VAV3: variants seen among roughly 807,000 people sequenced by gnomAD.
VAV3 encodes the protein vav guanine nucleotide exchange factor 3.
A neutral mutation model predicts 131.2 loss-of-function variants in VAV3; 94 were observed. That is an observed-to-expected ratio of 0.72 (90% CI 0.61 to 0.85). VAV3 has a LOEUF of 0.85. Ranked by LOEUF, VAV3 falls within the 40% of genes least tolerant of loss-of-function variation. The pLI is 0.00. For synonymous variants in VAV3, 349 were observed against 342.0 expected (o/e 1.02, Z -0.22); for missense variants, 939 against 1,002.7 (o/e 0.94, Z 0.86).
chr1:107,866,005 C>T (rs932728647), intron 2 of VAV3, among the ~76,000 whole-genome samples: 1 of 152,136 alleles, frequency 6.6e-6, no homozygotes, highest in African/African-American at 2.4e-5. Flanking sequence ...ATACAACATA[C>T]TAAACACACT....
chr1:107,737,687 T>G (rs1016806339), intron 15 of VAV3, among the ~76,000 whole-genome samples: 24 of 152,248 alleles, frequency 1.6e-4, no homozygotes, highest in African/African-American at 5.8e-4. Flanking sequence ...ATGGCGATCA[T>G]TAAAAAGTCA....
rs779951393 is a variant in VAV3, at chr1:107,749,481, G to A, written c.1373C>T (p.Thr458Ile). The change falls in exon 14 of 27, where the codon ACC (threonine) becomes ATC (isoleucine). Residue 458 changes from threonine (T) to isoleucine (I), a missense_variant. Transcript: ENST00000370056. ...AGTCACCTTTTTGTTTTCTTTATCGGTTGTAGGATTATTGGCTATCTTGTA... is the reference window on the plus strand; with the variant it reads ...AGTCACCTTTTTGTTTTCTTTATCGATTGTAGGATTATTGGCTATCTTGTA... The part of the protein sequence containing the change: ...QQYKIANNPT[T>I]DKENKKWSYG... 4.4e-6 allele frequency: 7 copies of A among 1,601,258 alleles called. No individual in the cohort carries two copies. In the South Asian group the frequency reaches 6.8e-5, roughly 16 times the overall value.
At chr1:107,705,185 C>G (rs1370433174) in intron 15 of VAV3, 124 bp from the exon 16 acceptor site, 2 of 725,178 alleles carry the variant, frequency 2.8e-6, no homozygotes, top group Middle Eastern at 3.8e-4. Flanking sequence ...AAAATGACTA[C>G]TAAATGTGCA....
At chr1:107,648,280 G>A (rs1191851874) in intron 19 of VAV3, among the ~76,000 whole-genome samples, 1 of 151,926 alleles carries the variant, frequency 6.6e-6, no homozygotes, top group Non-Finnish European at 1.5e-5. Context: ...TCACTCTTTG[G>A]CACTGTCTAC....
intron 9 of VAV3, among the ~76,000 whole-genome samples, chr1:107,763,429 T>C (rs1664552923): frequency 6.6e-6 from 1 of 152,240 alleles, no homozygotes; most frequent in East Asian, 1.9e-4. Flanking sequence ...GATTGACAAC[T>C]TGCTGACTAC....
intron 20 of VAV3, among the ~76,000 whole-genome samples, chr1:107,638,804 A>G (rs1570662916): frequency 6.6e-6 from 1 of 152,216 alleles, no homozygotes; most frequent in Non-Finnish European, 1.5e-5. Flanking sequence ...TAATCAAGAC[A>G]GCATCACATT....
In VAV3 at chr1:107,751,342, C is replaced by T. The variant is rs558482739; in HGVS notation, c.1174-140G>A. ...TTTTTATACTTTTAAAGCATACTTACTCTAAAAAGCTCAGGTCTACATGAC... is the reference window on the plus strand; with the variant it reads ...TTTTTATACTTTTAAAGCATACTTATTCTAAAAAGCTCAGGTCTACATGAC... On this transcript the variant is annotated intron_variant, in intron 12 of 26. Transcript: ENST00000370056. 1.1e-3 allele frequency: 752 copies of T among 671,492 alleles called. 3 individuals carry two copies. Among genetic ancestry groups the T allele is most frequent in the Admixed American group, 1.8e-3 (58 of 31,592 alleles). The allele number at this position is 671,492 out of a possible 1,614,324, so 41.6% of individuals were successfully genotyped here. A position where few individuals can be genotyped will look rare whatever the true frequency, so the allele number is the denominator to read the frequency against.
At chr1:107,802,024 C>T (rs1031919498) in intron 2 of VAV3, among the ~76,000 whole-genome samples, 4 of 151,924 alleles carry the variant, frequency 2.6e-5, no homozygotes, top group African/African-American at 7.3e-5. Context: ...TATACATGTG[C>T]CATCTCTTCA....
chr1:107,663,635 T>C (rs111482001), intron 19 of VAV3, among the ~76,000 whole-genome samples: 18 of 152,326 alleles, frequency 1.2e-4, no homozygotes, highest in African/African-American at 4.1e-4. Flanking sequence ...AAAATGCCAA[T>C]TTGCAAAATG....
At chr1:107,667,450 C>A (rs1304425781) in intron 19 of VAV3, among the ~76,000 whole-genome samples, 1 of 152,138 alleles carries the variant, frequency 6.6e-6, no homozygotes, top group African/African-American at 2.4e-5. Context: ...GGTAGCAATG[C>A]AGGAAATATA....
intron 20 of VAV3, among the ~76,000 whole-genome samples, chr1:107,641,434 T>G (rs1319045857): frequency 6.6e-6 from 1 of 152,194 alleles, no homozygotes; most frequent in African/African-American, 2.4e-5. Flanking sequence ...ACGAATTCTT[T>G]CCTCAACATC....
chr1:107,933,453 A>C (rs1043068689), intron 1 of VAV3, among the ~76,000 whole-genome samples: 4 of 152,066 alleles, frequency 2.6e-5, no homozygotes, highest in Non-Finnish European at 5.9e-5. Context: ...AGCTCACTTC[A>C]AGGTTAGCAA....
intron 21 of VAV3, among the ~76,000 whole-genome samples, chr1:107,613,239 A>G (rs1286544748): frequency 6.6e-6 from 1 of 152,138 alleles, no homozygotes; most frequent in Non-Finnish European, 1.5e-5. Context: ...TAATTTTAAT[A>G]TATGCTTCTT....
At chr1:107,671,011 A>T (rs1293845275) in intron 19 of VAV3, among the ~76,000 whole-genome samples, 2 of 152,236 alleles carry the variant, frequency 1.3e-5, no homozygotes, top group African/African-American at 4.8e-5. Context: ...TGGGATCCCC[A>T]AAGCATGGCA....
chr1:107,582,426 T>C (rs1458521972), intron 25 of VAV3, among the ~76,000 whole-genome samples: 10 of 152,172 alleles, frequency 6.6e-5, no homozygotes, highest in Non-Finnish European at 1.5e-5. Context: ...TTTTTTATTA[T>C]TATACTTTAA....
intron 25 of VAV3, chr1:107,578,624 T>C (rs1649822070): frequency 1.5e-5 from 3 of 198,496 alleles, no homozygotes; most frequent in African/African-American, 2.4e-5. Context: ...CTTTCTTTTT[T>C]TTGAGACGGA....
intron 1 of VAV3, among the ~76,000 whole-genome samples, chr1:107,927,574 T>A (rs1673222513): frequency 6.6e-6 from 1 of 151,882 alleles, no homozygotes; most frequent in Non-Finnish European, 1.5e-5. Flanking sequence ...GAGTCCCAGG[T>A]CAGGTAGCAT....
intron 1 of VAV3, among the ~76,000 whole-genome samples, chr1:107,877,243 T>G (rs1571080389): frequency 6.6e-6 from 1 of 152,204 alleles, no homozygotes; most frequent in Admixed American, 6.5e-5. Flanking sequence ...TAGAATTGCT[T>G]ATTTACAGAT....
At chr1:107,827,262 T>C (rs1196442232) in intron 2 of VAV3, among the ~76,000 whole-genome samples, 1 of 152,150 alleles carries the variant, frequency 6.6e-6, no homozygotes, top group East Asian at 1.9e-4. Flanking sequence ...CAGCACTATT[T>C]GACACTTAGT....
Sources: allele counts gnomAD v4.1 joint callset (sites outside exome capture counted in the v4.1 genomes callset), GRCh38; gene constraint gnomAD v4.1.1; transcripts MANE v1.5; gene names NCBI Gene and HGNC (gene_info 2026-07-23, HGNC 2026-07-21).